The following RRP1B variants were observed in gnomAD, a reference collection of about 807,000 sequenced individuals.
The protein encoded by RRP1B is ribosomal RNA processing 1B.
A neutral mutation model predicts 80.2 loss-of-function variants in RRP1B; 56 were observed. The observed-to-expected ratio is 0.70, with a 90% CI of 0.56 to 0.87. RRP1B has a LOEUF of 0.87. Ranked by LOEUF, RRP1B falls within the 40% of genes least tolerant of loss-of-function variation. RRP1B has a pLI of 0.00. For missense variants in RRP1B, 807 were observed against 939.8 expected (o/e 0.86, Z 1.85); for synonymous variants, 351 against 357.6 (o/e 0.98, Z 0.21).
At chr21:43,687,467 C>G in intron 12 of RRP1B, 49 bp from the exon 13 acceptor site, 2 of 1,457,908 alleles carry the variant, frequency 1.4e-6, no homozygotes, top group Non-Finnish European at 1.8e-6. Context: ...CAGCAGGACT[C>G]TGGCCCAGCT....
intron 1 of RRP1B, among the ~76,000 whole-genome samples, chr21:43,665,650 G>A (rs1241293445): frequency 1.3e-5 from 2 of 152,058 alleles, no homozygotes; most frequent in Non-Finnish European, 2.9e-5. Context: ...GGGTTCCAGC[G>A]GAACCCTTGG....
At chr21:43,675,299 G>A (rs2147167315) in intron 6 of RRP1B, 136 bp downstream of exon 6, 1 of 785,044 alleles carries the variant, frequency 1.3e-6, no homozygotes, top group South Asian at 1.7e-5. Flanking sequence ...GTCCTGTCTG[G>A]GAATGTGTCC....
rs960832649 is a variant in RRP1B, at chr21:43,695,709, C to T, written c.*2326C>T. 6.6e-6 allele frequency: 1 copy of T among 152,134 alleles called. No homozygotes were observed. The highest frequency in any genetic ancestry group is 6.5e-5 in the Admixed American group (1 of 15,268). 9.4% of individuals were successfully genotyped at this position (152,134 alleles called of 1,614,324 possible). A position where few individuals can be genotyped will look rare whatever the true frequency, so the allele number is the denominator to read the frequency against. On this transcript the variant is annotated 3_prime_UTR_variant, in exon 16 of 16. Transcript: ENST00000340648. ...AAAATTGCCAAGTGGACTTGGAAGT[C>T]CAGAAAGGAAAATAATTTAAATTAA...
rs1276837493 is a variant in RRP1B at position 43,659,842 on chromosome 21, C to T, written c.130+48C>T. 2 of 1,472,842 alleles carry T rather than the reference C, an allele frequency of 1.4e-6. No homozygotes were observed. The highest frequency in any genetic ancestry group is 1.3e-5 in the South Asian group (1 of 75,726). 91.2% of individuals were successfully genotyped at this position (1,472,842 alleles called of 1,614,324 possible). On this transcript the variant is annotated intron_variant, in intron 1 of 15. Coordinates refer to ENST00000340648, the MANE Select transcript of RRP1B (RefSeq NM_015056.3). This position sits in a 1 kb window ranked among gnomAD's most constrained non-coding sequence, Gnocchi z 4.2. ...CCGCGCCACATGGCGGGCCGGGGGCCGGGGCTGGGGCTAGGGCCAGGGCCC... is the reference window on the plus strand; with the variant it reads ...CCGCGCCACATGGCGGGCCGGGGGCTGGGGCTGGGGCTAGGGCCAGGGCCC...
rs770510588 is a variant in RRP1B, at chr21:43,676,723, C to T, written c.615-10C>T. 8 of 1,612,446 alleles carry T rather than the reference C, an allele frequency of 5.0e-6. No individual in the cohort carries two copies. In the South Asian group the frequency reaches 6.6e-5, roughly 13 times the overall value. ...TCATCACATGCTCTCCGCTGTGCTT[C>T]TACCCTCAGCCACACCCTGGTACAG... is the stretch of plus-strand genomic sequence containing the variant. On this transcript the variant is annotated splice_polypyrimidine_tract_variant and intron_variant, in intron 7 of 15. Coordinates refer to ENST00000340648, the MANE Select transcript of RRP1B (RefSeq NM_015056.3).
rs1451712978 is a variant in RRP1B at position 43,696,069 on chromosome 21, T to G, written c.*2686T>G. ...CAAGTCCAATTAAAAAAAAAAGTCT[T>G]TGCCCTCCAATTTGTGTTTGATGTT... On this transcript the variant is annotated 3_prime_UTR_variant, in exon 16 of 16. Coordinates refer to ENST00000340648, the MANE Select transcript of RRP1B (RefSeq NM_015056.3). 6.6e-6 allele frequency: 1 copy of G among 152,234 alleles called. No individual in the cohort carries two copies. Among genetic ancestry groups the G allele is most frequent in the Non-Finnish European group, 1.5e-5 (1 of 68,048 alleles). 9.4% of individuals were successfully genotyped at this position (152,234 alleles called of 1,614,324 possible). A position where few individuals can be genotyped will look rare whatever the true frequency, so the allele number is the denominator to read the frequency against.
At chr21:43,692,697 C>A (rs1458729166) in intron 15 of RRP1B, among the ~76,000 whole-genome samples, 1 of 151,942 alleles carries the variant, frequency 6.6e-6, no homozygotes, top group South Asian at 2.1e-4. Context: ...AGTGTGTGTA[C>A]ATGCACCAGT....
At chr21:43,676,396 G>T (rs900967756) in intron 7 of RRP1B, 60 bp downstream of exon 7, 1 of 1,330,200 alleles carries the variant, frequency 7.5e-7, no homozygotes, top group African/African-American at 1.4e-5. Context: ...GGAGTTACTT[G>T]CCGTCGTGCA....
In RRP1B at chr21:43,695,746, T is replaced by C. The variant is rs1173484417; in HGVS notation, c.*2363T>C. On this transcript the variant is annotated 3_prime_UTR_variant, in exon 16 of 16. Transcript: ENST00000340648. Reference sequence around the variant, plus strand: ...ATAATTTAAATTAATGCTGGTGATCTTAACAATATTTTGTAAAATGATGCT... The same window carrying C: ...ATAATTTAAATTAATGCTGGTGATCCTAACAATATTTTGTAAAATGATGCT... The C allele has an allele frequency of 6.6e-6, 1 of 152,252 alleles. No homozygotes were observed. Among genetic ancestry groups the C allele is most frequent in the Non-Finnish European group, 1.5e-5 (1 of 68,044 alleles). 9.4% of individuals were successfully genotyped at this position (152,252 alleles called of 1,614,324 possible).
At chr21:43,660,481 G>T (rs187080071) in intron 1 of RRP1B, among the ~76,000 whole-genome samples, 13 of 152,354 alleles carry the variant, frequency 8.5e-5, no homozygotes, top group Admixed American at 7.8e-4. Flanking sequence ...AGAATCGCTT[G>T]AACCTGGGAG....
intron 8 of RRP1B, among the ~76,000 whole-genome samples, chr21:43,682,681 GCCTTCGTCCTAA>G (rs1568958757): frequency 6.6e-6 from 1 of 152,224 alleles, no homozygotes; most frequent in African/African-American, 2.4e-5. Flanking sequence ...ATGCACCGCA[GCCTTCGTCCTAA>G]CGGGACCACG....
chr21:43,687,177 A>C (rs2083066580), intron 12 of RRP1B, among the ~76,000 whole-genome samples: 1 of 152,238 alleles, frequency 6.6e-6, no homozygotes, highest in Non-Finnish European at 1.5e-5. Flanking sequence ...GCAGGGAAGC[A>C]GGAGCTGCAG....
intron 3 of RRP1B, among the ~76,000 whole-genome samples, chr21:43,673,030 A>T (rs966761669): frequency 1.3e-5 from 2 of 152,252 alleles, no homozygotes; most frequent in African/African-American, 4.8e-5. Context: ...GTTTTTGAAT[A>T]AAAAAGTGCT....
chr21:43,688,686 C>T (rs1200739224), intron 13 of RRP1B, among the ~76,000 whole-genome samples: 2 of 152,154 alleles, frequency 1.3e-5, no homozygotes, highest in African/African-American at 4.8e-5. Context: ...TTCTTAGCTT[C>T]CCCCCTACCC....
At chr21:43,684,474 C>T (rs2083055868) in intron 9 of RRP1B, 79 bp from the exon 10 acceptor site, 7 of 1,243,064 alleles carry the variant, frequency 5.6e-6, no homozygotes, top group Non-Finnish European at 8.3e-6. Flanking sequence ...AAGGGTTTCT[C>T]TTACTAGCAG....
chr21:43,672,736 A>G (rs1161280116), intron 3 of RRP1B, among the ~76,000 whole-genome samples: 4 of 152,202 alleles, frequency 2.6e-5, no homozygotes, highest in Non-Finnish European at 5.9e-5. Flanking sequence ...CACCGGTCAC[A>G]GACTATGAAG....
At position 43,690,696 on chromosome 21, in the gene RRP1B, G is replaced by A. The variant is rs192812685; in HGVS notation, c.2019+256G>A. Among the ~76,000 whole-genome samples, 23 of 152,316 alleles carry A rather than the reference G, an allele frequency of 1.5e-4. No individual in the cohort carries two copies. The East Asian group carries it at 3.7e-3, about 24-fold the overall frequency. On this transcript the variant is annotated intron_variant, in intron 14 of 15. Transcript: ENST00000340648. ...TGCCTCCCAGGGCTTCCGGCTCAGG[G>A]TTTGCAGAAACCAGTTTTCTCTCGT...
At chr21:43,686,138 G>GCCCTTA (rs2083062298) in intron 11 of RRP1B, 1 of 194,288 alleles carries the variant, frequency 5.1e-6, no homozygotes, top group African/African-American at 2.4e-5. Context: ...AGACAGACCA[G>GCCCTTA]CCCTTACCTA....
intron 13 of RRP1B, 50 bp from the exon 14 acceptor site, chr21:43,690,238 A>C (rs767826312): frequency 6.2e-7 from 1 of 1,600,626 alleles, no homozygotes; most frequent in Non-Finnish European, 8.5e-7. Flanking sequence ...GCAGCACAGG[A>C]GGCTCTGTCG....
Sources: allele counts gnomAD v4.1 joint callset (sites outside exome capture counted in the v4.1 genomes callset), GRCh38; gene constraint gnomAD v4.1.1; non-coding constraint Gnocchi (gnomAD v3.1); transcripts MANE v1.5; gene names NCBI Gene and HGNC (gene_info 2026-07-23, HGNC 2026-07-21).